Variants in CROCC2 observed in about 807,000 individuals in gnomAD.
CROCC2 encodes ciliary rootlet coiled-coil, rootletin family member 2, also known as ciliary rootlet coiled-coil protein 2.
Under a neutral mutation model 177.6 loss-of-function variants are expected in CROCC2, and 163 were observed. The observed-to-expected ratio is 0.92, with a 90% CI of 0.81 to 1.05. The LOEUF is 1.05. CROCC2 is among the 50% of genes least tolerant of loss of function. The pLI is 0.00. For synonymous variants in CROCC2, 904 were observed against 787.3 expected (o/e 1.15, Z -2.48); for missense variants, 1,929 against 1,797.8 (o/e 1.07, Z -1.32).
intron 4 of CROCC2, among the ~76,000 whole-genome samples, chr2:240,925,191 A>C (rs2059388211): frequency 6.6e-6 from 1 of 152,232 alleles, no homozygotes; most frequent in Non-Finnish European, 1.5e-5. Context: ...GAAGAAAAAT[A>C]ACCCAAGAGG....
intron 14 of CROCC2, among the ~76,000 whole-genome samples, 161 bp downstream of exon 14, chr2:240,935,749 G>C (rs936240154): frequency 5.9e-5 from 9 of 151,318 alleles, no homozygotes; most frequent in Non-Finnish European, 1.3e-4. Flanking sequence ...CCGTGGGGGT[G>C]GGGGCAGGGG....
chr2:240,991,775 G>C (rs2059881201), intron 31 of CROCC2, among the ~76,000 whole-genome samples: 1 of 152,248 alleles, frequency 6.6e-6, no homozygotes, highest in Non-Finnish European at 1.5e-5. Flanking sequence ...GCCCTGTCAG[G>C]CTGGCTTCCC....
chr2:240,935,271 T>G, intron 13 of CROCC2, 87 bp from the exon 14 acceptor site: 12 of 1,257,682 alleles, frequency 9.5e-6, no homozygotes, highest in Non-Finnish European at 1.2e-5. Context: ...GGGAAGACAG[T>G]GCCCCGGGGC....
In CROCC2 at chr2:240,993,225, C is replaced by G. The variant is rs887730127; in HGVS notation, c.*144C>G. ...TCGCTCTCGGCAGTTTCAGGACCCT[C>G]CTTGCCCTGGCTGCTCATGGGGAAC... On this transcript the variant is annotated 3_prime_UTR_variant, in exon 32 of 32. Coordinates refer to ENST00000690015, the MANE Select transcript of CROCC2 (RefSeq NM_001351305.2). 4 of 594,010 alleles carry G rather than the reference C, an allele frequency of 6.7e-6. No individual in the cohort carries two copies. In the Admixed American group the frequency reaches 1.2e-4, roughly 17 times the overall value. The allele number at this position is 594,010 out of a possible 1,614,324, so 36.8% of individuals were successfully genotyped here.
chr2:240,946,798 C>T, intron 15 of CROCC2, among the ~76,000 whole-genome samples: 1 of 152,252 alleles, frequency 6.6e-6, no homozygotes, highest in East Asian at 1.9e-4. Flanking sequence ...AGCTGTGTGA[C>T]ATCCCTGTAC....
intron 15 of CROCC2, among the ~76,000 whole-genome samples, chr2:240,946,969 A>G (rs988304178): frequency 3.9e-5 from 6 of 152,234 alleles, no homozygotes; most frequent in Non-Finnish European, 8.8e-5. Flanking sequence ...TGGGACGGGC[A>G]CTCGCAGGCA....
intron 6 of CROCC2, 147 bp downstream of exon 6, chr2:240,930,416 G>A (rs1342128475): frequency 1.2e-5 from 5 of 428,430 alleles, no homozygotes; most frequent in Admixed American, 4.1e-5. Context: ...GCCCTGGCTG[G>A]GCCTCAGGCC....
intron 3 of CROCC2, among the ~76,000 whole-genome samples, chr2:240,921,197 C>T (rs1465618347): frequency 6.6e-6 from 1 of 152,188 alleles, no homozygotes; most frequent in Non-Finnish European, 1.5e-5. Context: ...TTCCCAGGAT[C>T]ATGGCAGCAC....
intron 26 of CROCC2, among the ~76,000 whole-genome samples, chr2:240,967,902 ACT>A (rs1291992682): frequency 6.7e-6 from 1 of 148,220 alleles, no homozygotes; most frequent in Non-Finnish European, 1.5e-5. Flanking sequence ...ACTGCCTCAC[ACT>A]CACGAGTTTC....
chr2:240,949,621 G>A lies in CROCC2; in HGVS notation c.2571G>A (p.Gln857=). 1 of 1,550,504 alleles carries A rather than the reference G, an allele frequency of 6.4e-7. No homozygotes were observed. Among genetic ancestry groups the A allele is most frequent in the Non-Finnish European group, 8.7e-7 (1 of 1,146,954 alleles). Residue 857 remains glutamine, a synonymous_variant, in exon 17 of 32, where the codon CAG becomes CAA. Coordinates refer to ENST00000690015, the MANE Select transcript of CROCC2 (RefSeq NM_001351305.2). This position sits in a 1 kb window ranked among gnomAD's most constrained non-coding sequence, Gnocchi z 4.5. ...DTVRLQRQVA[Q]QEREAQRALE... The stretch of plus-strand genomic sequence containing the variant: ...TGCGGCTCCAGCGACAGGTGGCACA[G>A]CAGGAGCGGGAGGCACAGCGGGCCC...
rs2059778801 is a variant in CROCC2 at position 240,978,346 on chromosome 2, C to A, written c.4402-4534C>A. 4.5e-5 allele frequency among the ~76,000 whole-genome samples: 2 copies of A among 44,478 alleles called. 1 individual carries two copies. Among genetic ancestry groups the A allele is most frequent in the Non-Finnish European group, 7.1e-5 (2 of 28,228 alleles). 29.2% of individuals were successfully genotyped at this position (44,478 alleles called of 152,430 possible). On this transcript the variant is annotated intron_variant, in intron 27 of 31. Transcript: ENST00000690015. ...AGGAGCCTCTGGAGCCCAGGCTCAT[C>A]CCTGCTCAGTCTCTGGGGTAGGAGC...
In CROCC2 at chr2:240,949,054, G is replaced by C. The variant is rs1020751005; in HGVS notation, c.2439G>C (p.Glu813Asp). Residue 813 changes from glutamate to aspartate, a missense_variant, in exon 16 of 32, where the codon GAG becomes GAC. Glu to Asp is a conservative substitution (Grantham distance 45, BLOSUM62 2). This residue lies in a region of CROCC2 where 1,397 missense variants were observed against 1,239.9 expected (regional missense o/e 1.13). Coordinates refer to ENST00000690015, the MANE Select transcript of CROCC2 (RefSeq NM_001351305.2). This position sits in a 1 kb window ranked among gnomAD's most constrained non-coding sequence, Gnocchi z 4.5. ...CCACAAAGCTGCAGGAGCAGCTGGAGGAGGAAGCCCGGAGCGCAGGACTCG... is the reference window on the plus strand; with the variant it reads ...CCACAAAGCTGCAGGAGCAGCTGGACGAGGAAGCCCGGAGCGCAGGACTCG... ...QLATKLQEQL[E>D]EEARSAGLAR... is the part of the protein sequence containing the mutation. The C allele has an allele frequency of 7.1e-6, 11 of 1,549,242 alleles. No individual in the cohort carries two copies. The highest frequency in any genetic ancestry group is 1.4e-5 in the African/African-American group (1 of 73,014).
intron 28 of CROCC2, among the ~76,000 whole-genome samples, chr2:240,985,493 A>C (rs1315789483): frequency 9.2e-5 from 2 of 21,766 alleles, no homozygotes; most frequent in African/African-American, 6.4e-4. Context: ...CTCACTCCAC[A>C]CACACACCCA....
chr2:240,938,002 C>A (rs1369033029), intron 14 of CROCC2, among the ~76,000 whole-genome samples: 1 of 152,230 alleles, frequency 6.6e-6, no homozygotes, highest in East Asian at 1.9e-4. Context: ...GTCTCCCAGT[C>A]ATGCTTTCTA....
chr2:240,955,634 A>T, intron 18 of CROCC2: 1 of 519,520 alleles, frequency 1.9e-6, no homozygotes, highest in South Asian at 3.0e-5. Context: ...GATGTCGGAC[A>T]GAGGGCAGGC....
intron 5 of CROCC2, 31 bp downstream of exon 5, chr2:240,925,911 C>T (rs1473501590): frequency 8.7e-6 from 6 of 685,876 alleles, no homozygotes; most frequent in East Asian, 2.7e-5. Context: ...CACCTCATGG[C>T]GGCCGCCTGT....
At chr2:240,929,725 G>A (rs1028191144) in intron 5 of CROCC2, 1 of 459,272 alleles carries the variant, frequency 2.2e-6, no homozygotes, top group African/African-American at 2.0e-5. Flanking sequence ...CTGGAGAAAG[G>A]CAGCCCGTCC....
rs1019355608 is a variant in CROCC2 at position 240,935,381 on chromosome 2, G to A, written c.1962G>A (p.Leu654=). The A allele has an allele frequency of 1.5e-6, 2 of 1,360,352 alleles. No homozygotes were observed. Among genetic ancestry groups the A allele is most frequent in the Admixed American group, 6.6e-5 (2 of 30,232 alleles). 84.3% of individuals were successfully genotyped at this position (1,360,352 alleles called of 1,614,324 possible). A position where few individuals can be genotyped will look rare whatever the true frequency, so the allele number is the denominator to read the frequency against. Residue 654 remains leucine (L), a synonymous_variant, in exon 14 of 32, where the codon CTG becomes CTA. Coordinates refer to ENST00000690015, the MANE Select transcript of CROCC2 (RefSeq NM_001351305.2). The part of the protein sequence containing the change: ...ALQLEQERDQ[L]REQRKTLEQE... Reference sequence around the variant, plus strand: ...AGCTGGAGCAGGAGCGGGACCAGCTGCGGGAACAGCGGAAGACTCTGGAGC... The same window carrying A: ...AGCTGGAGCAGGAGCGGGACCAGCTACGGGAACAGCGGAAGACTCTGGAGC...
chr2:240,986,295 G>T (rs1279681092), intron 28 of CROCC2, among the ~76,000 whole-genome samples: 1 of 152,176 alleles, frequency 6.6e-6, no homozygotes, highest in Non-Finnish European at 1.5e-5. Flanking sequence ...CTCTGGACCG[G>T]ATGCTTTTGG....
Sources: gnomAD v4.1 joint callset for allele counts (sites outside exome capture counted in the v4.1 genomes callset) on GRCh38, gnomAD v4.1.1 for gene constraint, gnomAD v4.1.1 regional missense constraint, Gnocchi (gnomAD v3.1) non-coding constraint, MANE v1.5 for transcripts, NCBI Gene and HGNC (gene_info 2026-07-23, HGNC 2026-07-21) for gene names.